The following TOGARAM2 variants were observed in gnomAD, a reference collection of about 807,000 sequenced individuals.
TOGARAM2 encodes TOG array regulator of axonemal microtubules 2.
Under a neutral mutation model 93.3 loss-of-function variants are expected in TOGARAM2, and 85 were observed. The observed-to-expected ratio is 0.91, with a 90% CI of 0.76 to 1.09. The LOEUF is 1.09. Among genes scored for constraint, TOGARAM2 ranks in the 50% least tolerant of loss-of-function variants. TOGARAM2 has a pLI of 0.00. For missense variants in TOGARAM2, 1,277 were observed against 1,334.5 expected, an observed-to-expected ratio of 0.96 and a Z score of 0.67; for synonymous variants, 593 against 552.8, an observed-to-expected ratio of 1.07 and a Z score of -1.02.
chr2:28,984,980 T>G (rs752294429), intron 1 of TOGARAM2, among the ~76,000 whole-genome samples: 19 of 152,202 alleles, frequency 1.2e-4, no homozygotes, highest in Non-Finnish European at 2.1e-4. Context: ...TATAGGGGTA[T>G]GGGCCCTGGG....
intron 1 of TOGARAM2, among the ~76,000 whole-genome samples, chr2:28,957,784 G>A (rs913280600): frequency 6.6e-6 from 1 of 152,140 alleles, no homozygotes; most frequent in African/African-American, 2.4e-5. Flanking sequence ...GGAGTAGGGG[G>A]TCTACAAGGG....
intron 17 of TOGARAM2, among the ~76,000 whole-genome samples, chr2:29,036,042 C>T (rs1572769237): frequency 6.6e-6 from 1 of 151,908 alleles, no homozygotes; most frequent in Non-Finnish European, 1.5e-5. Flanking sequence ...ACAAGCCCTT[C>T]ATAGGCTGAA....
intron 14 of TOGARAM2, among the ~76,000 whole-genome samples, chr2:29,031,892 A>G (rs1277719536): frequency 6.6e-6 from 1 of 152,196 alleles, no homozygotes; most frequent in Non-Finnish European, 1.5e-5. Flanking sequence ...TTTGAATGAA[A>G]TATGATTTAA....
chr2:29,046,637 C>T (rs1220641563), intron 19 of TOGARAM2: 2 of 152,310 alleles, frequency 1.3e-5, no homozygotes, highest in East Asian at 1.9e-4. Flanking sequence ...TCCTCATGAC[C>T]ACCCCACAGG....
chr2:29,003,217 T>C (rs1488081916), intron 5 of TOGARAM2, among the ~76,000 whole-genome samples: 2 of 152,162 alleles, frequency 1.3e-5, no homozygotes, highest in Admixed American at 1.3e-4. Flanking sequence ...TCTATGAAAA[T>C]AGAGGTTTGG....
At chr2:29,007,982 C>T (rs1024686125) in intron 6 of TOGARAM2, among the ~76,000 whole-genome samples, 10 of 152,130 alleles carry the variant, frequency 6.6e-5, no homozygotes, top group Non-Finnish European at 1.5e-4. Context: ...TACCTACTCT[C>T]CCTTTAAAGG....
intron 5 of TOGARAM2, 81 bp downstream of exon 5, chr2:29,002,828 A>C (rs1673387847): frequency 7.6e-7 from 1 of 1,313,156 alleles, no homozygotes; most frequent in East Asian, 2.5e-5. Context: ...AGCCTCCACC[A>C]ACCCCTGACT....
In TOGARAM2 at chr2:29,022,170, C is replaced by T. The variant is rs202165946; in HGVS notation, c.1373C>T (p.Pro458Leu). ...CTTGTGAATGCAGCTAACTCATTAC[C>T]TGCGGTGCTCACGTTGGGGTCTCCT... is the stretch of plus-strand genomic sequence containing the variant. Reference protein sequence around the residue: ...FARHASANSLPAVLTLGSPEW... With the variant: ...FARHASANSLLAVLTLGSPEW... Residue 458 changes from proline (P) to leucine (L), a missense_variant, in exon 11 of 20, where the codon CCT becomes CTT. Pro to Leu is a moderately conservative substitution (Grantham distance 98, BLOSUM62 -3). Transcript: ENST00000379558. The T allele has an allele frequency of 4.0e-4, 650 of 1,613,904 alleles. No homozygotes were observed. The highest frequency in any genetic ancestry group is 5.1e-4 in the Non-Finnish European group (606 of 1,179,906).
rs1414450539 is a variant in TOGARAM2 at position 29,005,311 on chromosome 2, G to GTGTA, written c.830+1630_830+1631insGTAT. Among the ~76,000 whole-genome samples, 7 of 21,280 alleles carry GTGTA rather than the reference G, an allele frequency of 3.3e-4. 1 individual carries two copies. The highest frequency in any genetic ancestry group is 6.9e-4 in the Non-Finnish European group (4 of 5,822). The allele number at this position is 21,280 out of a possible 152,430, so 14.0% of individuals were successfully genotyped here. A position where few individuals can be genotyped will look rare whatever the true frequency, so the allele number is the denominator to read the frequency against. On this transcript the variant is annotated intron_variant, in intron 6 of 19. Transcript: ENST00000379558. Reference sequence around the variant, plus strand: ...GTGTGTGTGCATGTGTGTGTGTGGGGTATGTGTGCATGTGTGTGTGAGACC... The same window carrying GTGTA: ...GTGTGTGTGCATGTGTGTGTGTGGGGTGTATATGTGTGCATGTGTGTGTGAGACC...
In TOGARAM2 at chr2:28,998,167, T is replaced by C. The variant is rs1465603357; in HGVS notation, c.53T>C (p.Val18Ala). Residue 18 changes from valine to alanine, a missense_variant, in exon 3 of 20, where the codon GTG (valine) becomes GCG (alanine). Physicochemically the swap from Val to Ala is moderately conservative, Grantham distance 64. Transcript: ENST00000379558. ...GCCAAGGTCCTGGTCCCCGTGGCCG[T>C]GTACTGCGGGAGCATCCCTCGGACC... is the stretch of plus-strand genomic sequence containing the variant. ...PEAKVLVPVA[V>A]YCGSIPRTSA... The C allele has an allele frequency of 2.5e-6, 4 of 1,610,432 alleles. No homozygotes were observed. The South Asian group carries it at 4.4e-5, about 18-fold the overall frequency.
At chr2:28,989,984 G>C (rs561395328) in intron 1 of TOGARAM2, among the ~76,000 whole-genome samples, 4 of 152,208 alleles carry the variant, frequency 2.6e-5, no homozygotes, top group African/African-American at 9.7e-5. Context: ...GCCGAACTCT[G>C]GAGGTCAGAG....
chr2:29,040,342 T>C (rs923852790), intron 18 of TOGARAM2, among the ~76,000 whole-genome samples: 6 of 152,210 alleles, frequency 3.9e-5, no homozygotes, highest in African/African-American at 1.4e-4. Context: ...TAAATGAAGA[T>C]ACAAAGCATT....
At chr2:29,009,536 C>T (rs374416719) in intron 6 of TOGARAM2, among the ~76,000 whole-genome samples, 4 of 97,502 alleles carry the variant, frequency 4.1e-5, no homozygotes, top group Admixed American at 1.3e-4. Flanking sequence ...GAGGTGGGGG[C>T]GGGGCGGGAT....
In TOGARAM2 at chr2:28,989,349, C is replaced by T. The variant is rs533551049; in HGVS notation, c.-110-5376C>T. Among the ~76,000 whole-genome samples the T allele has an allele frequency of 1.1e-4, 16 of 151,770 alleles. No homozygotes were observed. The South Asian group carries it at 3.3e-3, about 32-fold the overall frequency. On this transcript the variant is annotated intron_variant, in intron 1 of 19. Transcript: ENST00000379558. Reference sequence around the variant, plus strand: ...TACAGGTGTAAGCCGCCATACCGGGCCCGCTTTTCATATTTTATTGAATGC... The same window carrying T: ...TACAGGTGTAAGCCGCCATACCGGGTCCGCTTTTCATATTTTATTGAATGC...
chr2:29,038,089 C>G (rs900114931), intron 18 of TOGARAM2, among the ~76,000 whole-genome samples: 3 of 152,158 alleles, frequency 2.0e-5, no homozygotes, highest in Non-Finnish European at 2.9e-5. Flanking sequence ...TCTAGTGTCT[C>G]ATACTGTCAC....
At chr2:29,033,426 G>A (rs746258421) in intron 15 of TOGARAM2, 43 bp from the exon 16 acceptor site, 9 of 1,554,182 alleles carry the variant, frequency 5.8e-6, no homozygotes, top group African/African-American at 2.7e-5. Flanking sequence ...TTTCCCTGGA[G>A]GGCCACTCCT....
intron 1 of TOGARAM2, among the ~76,000 whole-genome samples, chr2:28,957,955 T>G (rs990481383): frequency 6.6e-6 from 1 of 152,140 alleles, no homozygotes; most frequent in African/African-American, 2.4e-5. Context: ...GTTGAGCAAC[T>G]AATTAGGATG....
intron 1 of TOGARAM2, among the ~76,000 whole-genome samples, chr2:28,968,882 T>A (rs1341667152): frequency 9.5e-6 from 1 of 105,630 alleles, no homozygotes; most frequent in Non-Finnish European, 2.2e-5. Flanking sequence ...TGCTTCTGAG[T>A]GAAGTACTCC....
chr2:29,029,831 G>A (rs1478819488), intron 14 of TOGARAM2, among the ~76,000 whole-genome samples: 1 of 151,938 alleles, frequency 6.6e-6, no homozygotes, highest in Non-Finnish European at 1.5e-5. Flanking sequence ...GGGATGAAAG[G>A]CTGCAAATAG....
Sources: allele counts gnomAD v4.1 joint callset (sites outside exome capture counted in the v4.1 genomes callset), GRCh38; gene constraint gnomAD v4.1.1; transcripts MANE v1.5; gene names NCBI Gene and HGNC (gene_info 2026-07-23, HGNC 2026-07-21).